KIAA1217: variants seen among roughly 807,000 people sequenced by gnomAD.
KIAA1217 encodes the protein sickle tail protein homolog.
A neutral mutation model predicts 163.9 loss-of-function variants in KIAA1217; 88 were observed. The ratio of observed to expected loss-of-function variants is 0.54; its 90% CI spans 0.45 to 0.64. KIAA1217 has a LOEUF of 0.64. Among genes scored for constraint, KIAA1217 ranks in the 30% least tolerant of loss-of-function variants. KIAA1217 has a pLI of 0.00. For missense variants in KIAA1217, 2,372 were observed against 2,475.0 expected, an observed-to-expected ratio of 0.96 and a Z score of 0.88; for synonymous variants, 903 against 923.1, an observed-to-expected ratio of 0.98 and a Z score of 0.39.
chr10:23,991,537 G>A (rs546922359), intron 1 of KIAA1217, among the ~76,000 whole-genome samples: 39 of 152,146 alleles, frequency 2.6e-4, no homozygotes, highest in Non-Finnish European at 5.1e-4. Context: ...AGAAAAGGGA[G>A]TAATCTCTAT....
At chr10:23,772,984 C>T (rs972352242) in intron 1 of KIAA1217, among the ~76,000 whole-genome samples, 1 of 152,098 alleles carries the variant, frequency 6.6e-6, no homozygotes, top group African/African-American at 2.4e-5. Flanking sequence ...TTCATGCTGT[C>T]CTGTAAACAG....
intron 1 of KIAA1217, among the ~76,000 whole-genome samples, chr10:23,740,654 C>G (rs1839055624): frequency 6.6e-6 from 1 of 152,124 alleles, no homozygotes; most frequent in Non-Finnish European, 1.5e-5. Context: ...GCCATTATAC[C>G]TGGCCTTGTT....
intron 2 of KIAA1217, chr10:24,157,782 C>G (rs550190173): frequency 8.0e-6 from 3 of 374,998 alleles, no homozygotes; most frequent in African/African-American, 6.3e-5. Flanking sequence ...AGTAGAGCAA[C>G]TGGTACTCTC....
At chr10:24,464,632 T>C (rs2062757176) in intron 5 of KIAA1217, among the ~76,000 whole-genome samples, 1 of 152,144 alleles carries the variant, frequency 6.6e-6, no homozygotes, top group Non-Finnish European at 1.5e-5. Context: ...AACACAGGCA[T>C]GCACCAGCAT....
At chr10:24,508,241 CTTA>C (rs2068626970) in intron 9 of KIAA1217, among the ~76,000 whole-genome samples, 1 of 152,002 alleles carries the variant, frequency 6.6e-6, no homozygotes, top group East Asian at 1.9e-4. Context: ...CGTATTTGAC[CTTA>C]TTAACAGAAA....
chr10:24,251,400 C>CAAAAAAAAAA (rs55668887), intron 2 of KIAA1217, among the ~76,000 whole-genome samples: 4 of 90,536 alleles, frequency 4.4e-5, no homozygotes, highest in African/African-American at 8.4e-5. Context: ...GACACTGTCT[C>CAAAAAAAAAA]AAAAAAAAAA....
chr10:24,532,840 T>C (rs1564880246), intron 15 of KIAA1217, among the ~76,000 whole-genome samples: 1 of 152,180 alleles, frequency 6.6e-6, no homozygotes, highest in Non-Finnish European at 1.5e-5. Flanking sequence ...ACACTGAATG[T>C]TGAGGAGTTC....
At chr10:24,541,286 C>T (rs887559101) in intron 17 of KIAA1217, among the ~76,000 whole-genome samples, 2 of 151,848 alleles carry the variant, frequency 1.3e-5, no homozygotes, top group Non-Finnish European at 2.9e-5. Context: ...AGCCATGTGG[C>T]TCCGCTGCAG....
intron 1 of KIAA1217, among the ~76,000 whole-genome samples, chr10:23,813,712 T>C (rs1837181875): frequency 1.3e-5 from 2 of 152,202 alleles, no homozygotes; most frequent in South Asian, 4.1e-4. Context: ...TTGATCCAAA[T>C]ACCTAAGTCT....
intron 1 of KIAA1217, among the ~76,000 whole-genome samples, chr10:23,699,993 A>C (rs184584027): frequency 4.6e-5 from 7 of 152,224 alleles, no homozygotes; most frequent in African/African-American, 1.7e-4. Flanking sequence ...TAAAAGAATG[A>C]GTGAGTGAAG....
chr10:24,398,618 G>A lies in KIAA1217; in HGVS notation c.553+17551G>A, dbSNP rs575545604. Among the ~76,000 whole-genome samples the A allele has an allele frequency of 2.2e-4, 33 of 152,256 alleles. No homozygotes were observed. The South Asian group carries it at 6.6e-3, about 31-fold the overall frequency. On this transcript the variant is annotated intron_variant, in intron 3 of 20. Transcript: ENST00000376454. ...CAAGCAGGCACCTTGGAGCTCAAGTGTGGCATTTTTATATATCGACATATT... is the reference window on the plus strand; with the variant it reads ...CAAGCAGGCACCTTGGAGCTCAAGTATGGCATTTTTATATATCGACATATT...
intron 1 of KIAA1217, among the ~76,000 whole-genome samples, chr10:23,978,705 G>A (rs11013822): frequency 0.063 from 9,573 of 152,058 alleles, 1,019 homozygotes; most frequent in African/African-American, 0.22. Context: ...GAGCTACACT[G>A]CAAATACATA....
intron 3 of KIAA1217, among the ~76,000 whole-genome samples, chr10:24,396,085 A>G (rs1591584581): frequency 6.6e-6 from 1 of 152,104 alleles, no homozygotes; most frequent in African/African-American, 2.4e-5. Context: ...CCCTGTAATC[A>G]CAGCACTTTG....
At chr10:23,754,462 G>T (rs1463140264) in intron 1 of KIAA1217, among the ~76,000 whole-genome samples, 2 of 152,092 alleles carry the variant, frequency 1.3e-5, no homozygotes, top group Middle Eastern at 3.2e-3. Flanking sequence ...GAGCCTCTCT[G>T]GCATTTTCTC....
intron 1 of KIAA1217, among the ~76,000 whole-genome samples, chr10:23,893,514 T>C (rs1841509927): frequency 6.6e-6 from 1 of 152,014 alleles, no homozygotes; most frequent in Admixed American, 6.6e-5. Context: ...TGATTTTAGT[T>C]ATTTCTTGCC....
At chr10:24,395,489 A>T (rs975972986) in intron 3 of KIAA1217, among the ~76,000 whole-genome samples, 5 of 152,194 alleles carry the variant, frequency 3.3e-5, no homozygotes, top group Admixed American at 3.3e-4. Flanking sequence ...TGTTGATATC[A>T]TTCATGGTGT....
rs1471057844 is a variant in KIAA1217, at chr10:24,211,594, T to TG, written c.70+2331_70+2332insG. ...TGTATTGTATTGTATTGTATTGTAT[T>TG]TTATTTTATTTTAGAGAAGGGGTCT... On this transcript the variant is annotated intron_variant, in intron 1 of 20. Coordinates refer to ENST00000376454, the MANE Select transcript of KIAA1217 (RefSeq NM_019590.5). 5.0e-3 allele frequency among the ~76,000 whole-genome samples: 691 copies of TG among 137,202 alleles called. 4 individuals carry two copies. The highest frequency in any genetic ancestry group is 0.013 in the East Asian group (58 of 4,402). The allele number at this position is 137,202 out of a possible 152,430, so 90.0% of individuals were successfully genotyped here. A position where few individuals can be genotyped will look rare whatever the true frequency, so the allele number is the denominator to read the frequency against.
intron 13 of KIAA1217, among the ~76,000 whole-genome samples, chr10:24,526,844 T>C (rs2072262137): frequency 1.3e-5 from 2 of 151,850 alleles, no homozygotes; most frequent in African/African-American, 4.8e-5. Flanking sequence ...GAAGAAAAAA[T>C]AAAGGAGGGT....
chr10:23,962,651 A>G (rs946916360), intron 1 of KIAA1217, among the ~76,000 whole-genome samples: 1 of 152,230 alleles, frequency 6.6e-6, no homozygotes, highest in African/African-American at 2.4e-5. Context: ...CCACCCAAGG[A>G]GTACATATAA....
Sources: allele counts gnomAD v4.1 joint callset (sites outside exome capture counted in the v4.1 genomes callset), GRCh38; gene constraint gnomAD v4.1.1; transcripts MANE v1.5; gene names NCBI Gene and HGNC (gene_info 2026-07-23, HGNC 2026-07-21).